Variants in IGSF3 observed in about 807,000 individuals in gnomAD.
IGSF3 encodes immunoglobulin superfamily member 3, also known as glu-Trp-Ile EWI motif-containing protein 3.
IGSF3 carries 23 observed loss-of-function variants against 114.4 expected under a neutral mutation model. The ratio of observed to expected loss-of-function variants is 0.20; its 90% CI spans 0.14 to 0.28. The LOEUF is 0.28. IGSF3 is among the 10% of genes least tolerant of loss of function. The pLI is 1.00. For synonymous variants in IGSF3, 571 were observed against 645.2 expected, an observed-to-expected ratio of 0.88 and a Z score of 1.74; for missense variants, 1,172 against 1,591.5, an observed-to-expected ratio of 0.74 and a Z score of 4.48.
chr1:116,601,520 G>C (rs1190654282), intron 6 of IGSF3, among the ~76,000 whole-genome samples: 1 of 151,932 alleles, frequency 6.6e-6, no homozygotes, highest in African/African-American at 2.4e-5. Flanking sequence ...ATAGTACCTG[G>C]CACATGAGAT....
At position 116,616,213 on chromosome 1, in the gene IGSF3, T is replaced by C. The variant is rs1451506358; in HGVS notation, c.288A>G (p.Glu96=). Residue 96 remains glutamate, a synonymous_variant, in exon 3 of 11, where the codon GAA becomes GAG. Coordinates refer to ENST00000369486, the MANE Select transcript of IGSF3 (RefSeq NM_001007237.3). The surrounding 1 kb of genome is among the most constrained non-coding windows in gnomAD (Gnocchi z 6.6). The part of the protein sequence containing the change: ...QRVRGGKIFI[E]RVQGNSTLLH... ...ATAGGGTTGAGTTCCCCTGGACTCT[T>C]TCTATGAAGATCTTCCCTCCGCGGA... 6.2e-7 allele frequency: 1 copy of C among 1,613,960 alleles called. No homozygotes were observed. Among genetic ancestry groups the C allele is most frequent in the Non-Finnish European group, 8.5e-7 (1 of 1,179,860 alleles).
chr1:116,579,994 C>T lies in IGSF3; in HGVS notation c.2849-117G>A, dbSNP rs1659533064. The stretch of plus-strand genomic sequence containing the variant: ...AACATCCATACTATAAGATATTATG[C>T]ACCTATTGAAAAGGCATAGGCAGTG... On this transcript the variant is annotated intron_variant, in intron 9 of 10. Coordinates refer to ENST00000369486, the MANE Select transcript of IGSF3 (RefSeq NM_001007237.3). The surrounding 1 kb of genome is among the most constrained non-coding windows in gnomAD (Gnocchi z 6.4). The T allele has an allele frequency of 2.0e-6, 2 of 982,152 alleles. No homozygotes were observed. Among genetic ancestry groups the T allele is most frequent in the South Asian group, 1.7e-5 (1 of 57,776 alleles). The allele number at this position is 982,152 out of a possible 1,614,324, so 60.8% of individuals were successfully genotyped here.
In IGSF3 at chr1:116,603,935, C is replaced by A. The variant is rs768120385; in HGVS notation, c.1313G>T (p.Gly438Val). The A allele has an allele frequency of 6.2e-7, 1 of 1,613,954 alleles. No homozygotes were observed. Residue 438 changes from glycine (G) to valine (V), a missense_variant, in exon 6 of 11, where the codon GGC (glycine) becomes GTC (valine). Physicochemically the swap from Gly to Val is moderately radical, Grantham distance 109. Around this residue, in one of 3 missense-constraint regions of IGSF3, gnomAD observed 736 missense variants for 1,042.0 expected, o/e 0.71. Transcript: ENST00000369486. The surrounding 1 kb of genome is among the most constrained non-coding windows in gnomAD (Gnocchi z 7.1). ...GACAGAGAAGCGACCCTGCGGCCTG[C>A]CTGCCGTGCGGACACTGCAGGAGAA... The part of the protein sequence containing the change: ...LRFSCSVRTA[G>V]RPQGRFSVIW...
In IGSF3 at chr1:116,627,548, C is replaced by T. The variant is rs553458191; in HGVS notation, c.44-11091G>A. Among the ~76,000 whole-genome samples, 13 of 152,346 alleles carry T rather than the reference C, an allele frequency of 8.5e-5. No homozygotes were observed. The highest frequency in any genetic ancestry group is 2.9e-4 in the African/African-American group (12 of 41,574). ...AGCAGTGCGCCTCTCAATGCTCTCA[C>T]AGCTTCAGGAAGAGGACTGCTAAGC... On this transcript the variant is annotated intron_variant, in intron 2 of 10. Coordinates refer to ENST00000369486, the MANE Select transcript of IGSF3 (RefSeq NM_001007237.3). The surrounding 1 kb of genome is among the most constrained non-coding windows in gnomAD (Gnocchi z 4.7).
At chr1:116,639,925 T>A (rs986064167) in intron 2 of IGSF3, among the ~76,000 whole-genome samples, 5 of 150,822 alleles carry the variant, frequency 3.3e-5, no homozygotes, top group African/African-American at 1.2e-4. Context: ...CCCCAGCTAC[T>A]CAGGAGGCTG....
In IGSF3 at chr1:116,629,268, A is replaced by C. The variant is rs992646646; in HGVS notation, c.44-12811T>G. On this transcript the variant is annotated intron_variant, in intron 2 of 10. Coordinates refer to ENST00000369486, the MANE Select transcript of IGSF3 (RefSeq NM_001007237.3). This position sits in a 1 kb window ranked among gnomAD's most constrained non-coding sequence, Gnocchi z 4.3. ...GGGAGAAAGGCTATAAAAGGATTTG[A>C]AAGTATTTTCGTAAAGATAAACACC... Among the ~76,000 whole-genome samples the C allele has an allele frequency of 4.6e-5, 7 of 152,256 alleles. No individual in the cohort carries two copies. The highest frequency in any genetic ancestry group is 1.7e-4 in the African/African-American group (7 of 41,460).
chr1:116,651,029 G>C lies in IGSF3; in HGVS notation c.43+15255C>G, dbSNP rs1269433538. On this transcript the variant is annotated intron_variant, in intron 2 of 10. Coordinates refer to ENST00000369486, the MANE Select transcript of IGSF3 (RefSeq NM_001007237.3). This position sits in a 1 kb window ranked among gnomAD's most constrained non-coding sequence, Gnocchi z 4.4. The stretch of plus-strand genomic sequence containing the variant: ...TCAACCCTTGCCTCTGAGGACCAGT[G>C]GTCTACAGTCCAGCCCACAACCCTT... Among the ~76,000 whole-genome samples, 1 of 152,162 alleles carries C rather than the reference G, an allele frequency of 6.6e-6. No individual in the cohort carries two copies. Among genetic ancestry groups the C allele is most frequent in the Non-Finnish European group, 1.5e-5 (1 of 68,030 alleles).
chr1:116,664,143 G>A lies in IGSF3; in HGVS notation c.43+2141C>T, dbSNP rs1446283503. On this transcript the variant is annotated intron_variant, in intron 2 of 10. Coordinates refer to ENST00000369486, the MANE Select transcript of IGSF3 (RefSeq NM_001007237.3). The surrounding 1 kb of genome is among the most constrained non-coding windows in gnomAD (Gnocchi z 4.6). ...AAGAGAAAGATGAGGTTCCACCAGTGGGGCTCCAAATCAGGCAGAGATCCA... is the reference window on the plus strand; with the variant it reads ...AAGAGAAAGATGAGGTTCCACCAGTAGGGCTCCAAATCAGGCAGAGATCCA... Among the ~76,000 whole-genome samples, 1 of 152,156 alleles carries A rather than the reference G, an allele frequency of 6.6e-6. No individual in the cohort carries two copies. Among genetic ancestry groups the A allele is most frequent in the Non-Finnish European group, 1.5e-5 (1 of 68,028 alleles).
At position 116,644,363 on chromosome 1, in the gene IGSF3, G is replaced by A. The variant is rs184272877; in HGVS notation, c.43+21921C>T. On this transcript the variant is annotated intron_variant, in intron 2 of 10. Transcript: ENST00000369486. The surrounding 1 kb of genome is among the most constrained non-coding windows in gnomAD (Gnocchi z 5.6). ...GCAGCAAGCTCCAGACGGGAGATGCGCCATATAACAGCAGCAGTTCCACAC... is the reference window on the plus strand; with the variant it reads ...GCAGCAAGCTCCAGACGGGAGATGCACCATATAACAGCAGCAGTTCCACAC... Among the ~76,000 whole-genome samples the A allele has an allele frequency of 2.6e-3, 401 of 152,326 alleles. 2 individuals are homozygous for A. The highest frequency in any genetic ancestry group is 8.7e-3 in the African/African-American group (362 of 41,562).
Position 116,666,701 on chromosome 1 carries a change from C to T in IGSF3, c.-375G>A. ...TCATCCACTGATTATACAGAAATGT[C>T]CTTGGCTTCTCAGTGAAGGTGTCTG... is the stretch of plus-strand genomic sequence containing the variant. On this transcript the variant is annotated 5_prime_UTR_variant, in exon 2 of 11. Coordinates refer to ENST00000369486, the MANE Select transcript of IGSF3 (RefSeq NM_001007237.3). The T allele has an allele frequency of 2.0e-6, 1 of 511,564 alleles. No homozygotes were observed. The highest frequency in any genetic ancestry group is 3.4e-6 in the Non-Finnish European group (1 of 294,026). The allele number at this position is 511,564 out of a possible 1,614,324, so 31.7% of individuals were successfully genotyped here.
chr1:116,620,482 C>T (rs1022503531), intron 2 of IGSF3, among the ~76,000 whole-genome samples: 4 of 152,174 alleles, frequency 2.6e-5, no homozygotes, highest in Admixed American at 1.3e-4. Flanking sequence ...CACTACTCCC[C>T]TCTCAGACCT....
rs1647709206 is a variant in IGSF3, at chr1:116,633,960, C to T, written c.44-17503G>A. On this transcript the variant is annotated intron_variant, in intron 2 of 10. Coordinates refer to ENST00000369486, the MANE Select transcript of IGSF3 (RefSeq NM_001007237.3). The surrounding 1 kb of genome is among the most constrained non-coding windows in gnomAD (Gnocchi z 4.3). Reference sequence around the variant, plus strand: ...GAGGGCTGTTCATGCTATGGAAGGGCCTCTATGCCATCGAGGCTAAAACCA... The same window carrying T: ...GAGGGCTGTTCATGCTATGGAAGGGTCTCTATGCCATCGAGGCTAAAACCA... 6.6e-6 allele frequency among the ~76,000 whole-genome samples: 1 copy of T among 152,188 alleles called. No homozygotes were observed. Among genetic ancestry groups the T allele is most frequent in the African/African-American group, 2.4e-5 (1 of 41,440 alleles).
At position 116,624,911 on chromosome 1, in the gene IGSF3, T is replaced by C. The variant is rs575377211; in HGVS notation, c.44-8454A>G. 1.2e-4 allele frequency among the ~76,000 whole-genome samples: 18 copies of C among 152,308 alleles called. No homozygotes were observed. The East Asian group carries it at 3.3e-3, about 28-fold the overall frequency. On this transcript the variant is annotated intron_variant, in intron 2 of 10. Coordinates refer to ENST00000369486, the MANE Select transcript of IGSF3 (RefSeq NM_001007237.3). The surrounding 1 kb of genome is among the most constrained non-coding windows in gnomAD (Gnocchi z 4.9). The stretch of plus-strand genomic sequence containing the variant: ...GTCCACCTGCCACAATGTGAGTGAA[T>C]GAGCCAATCAGCACCCAGCTCCACC...
chr1:116,645,496 T>A (rs1262760851), intron 2 of IGSF3, among the ~76,000 whole-genome samples: 3 of 152,262 alleles, frequency 2.0e-5, no homozygotes, highest in Non-Finnish European at 1.5e-5. Context: ...TTCCGTTGTA[T>A]GTAAGCAAAT....
intron 5 of IGSF3, 50 bp from the exon 6 acceptor site, chr1:116,604,075 C>A: frequency 7.1e-7 from 1 of 1,405,932 alleles, no homozygotes; most frequent in Non-Finnish European, 9.6e-7. Context: ...GTCTCCACAG[C>A]GCCCTCCCCA....
chr1:116,607,766 T>C lies in IGSF3; in HGVS notation c.1222+176A>G, dbSNP rs1421894095. Reference sequence around the variant, plus strand: ...TCTGCTATGGGGAGCCTGCTACATGTATGCAGGTGGGCTACAACAGGGAAG... The same window carrying C: ...TCTGCTATGGGGAGCCTGCTACATGCATGCAGGTGGGCTACAACAGGGAAG... On this transcript the variant is annotated intron_variant, in intron 5 of 10. Coordinates refer to ENST00000369486, the MANE Select transcript of IGSF3 (RefSeq NM_001007237.3). The surrounding 1 kb of genome is among the most constrained non-coding windows in gnomAD (Gnocchi z 6.1). 6.6e-6 allele frequency among the ~76,000 whole-genome samples: 1 copy of C among 152,210 alleles called. No individual in the cohort carries two copies. The highest frequency in any genetic ancestry group is 2.4e-5 in the African/African-American group (1 of 41,462).
chr1:116,659,700 A>G (rs1189740230), intron 2 of IGSF3, among the ~76,000 whole-genome samples: 1 of 152,080 alleles, frequency 6.6e-6, no homozygotes, highest in Non-Finnish European at 1.5e-5. Context: ...CTGTAGCCTC[A>G]ACCTTCTGGG....
At chr1:116,639,577 C>T (rs1371612914) in intron 2 of IGSF3, among the ~76,000 whole-genome samples, 2 of 152,210 alleles carry the variant, frequency 1.3e-5, no homozygotes, top group African/African-American at 4.8e-5. Flanking sequence ...CTCTTCTTAC[C>T]TTCTCTCAAA....
In IGSF3 at chr1:116,667,670, C is replaced by T. The variant is rs1649405286; in HGVS notation, c.-683G>A. On this transcript the variant is annotated 5_prime_UTR_variant, in exon 1 of 11. Transcript: ENST00000369486. ...GCGTCGGACCGTCCTTCAGTCCATCCAGGCGCACGCCTCAGGGGACGCGCC... is the reference window on the plus strand; with the variant it reads ...GCGTCGGACCGTCCTTCAGTCCATCTAGGCGCACGCCTCAGGGGACGCGCC... 6.6e-6 allele frequency: 1 copy of T among 151,554 alleles called. No homozygotes were observed. Among genetic ancestry groups the T allele is most frequent in the East Asian group, 1.9e-4 (1 of 5,158 alleles). 9.4% of individuals were successfully genotyped at this position (151,554 alleles called of 1,614,324 possible). A position where few individuals can be genotyped will look rare whatever the true frequency, so the allele number is the denominator to read the frequency against.
Sources: allele counts gnomAD v4.1 joint callset (sites outside exome capture counted in the v4.1 genomes callset), GRCh38; gene constraint gnomAD v4.1.1; regional missense constraint gnomAD v4.1.1; non-coding constraint Gnocchi (gnomAD v3.1); transcripts MANE v1.5; gene names NCBI Gene and HGNC (gene_info 2026-07-23, HGNC 2026-07-21).